Variants in STAB2 observed in about 807,000 individuals in gnomAD.
STAB2 encodes the protein stabilin 2.
In STAB2, 288 loss-of-function variants were observed where a neutral mutation model predicts 338.1. That is an observed-to-expected ratio of 0.85 (90% CI 0.77 to 0.94). STAB2 has a LOEUF of 0.94. Ranked by LOEUF, STAB2 falls within the 40% of genes least tolerant of loss-of-function variation. STAB2 has a pLI of 0.00. For synonymous variants in STAB2, 1,202 were observed against 1,193.3 expected, an observed-to-expected ratio of 1.01 and a Z score of -0.15; for missense variants, 3,141 against 3,210.1, an observed-to-expected ratio of 0.98 and a Z score of 0.52.
chr12:103,756,910 A>G (rs765679021), intron 63 of STAB2, among the ~76,000 whole-genome samples: 2 of 151,554 alleles, frequency 1.3e-5, no homozygotes, highest in Non-Finnish European at 2.9e-5. Flanking sequence ...TTACAACAGC[A>G]TTTCAAAGAA....
rs144650963 is a variant in STAB2, at chr12:103,688,186, G to A, written c.3016G>A (p.Glu1006Lys). 257 of 1,613,844 alleles carry A rather than the reference G, an allele frequency of 1.6e-4. 2 individuals carry two copies. The Middle Eastern group carries it at 2.0e-3, about 12-fold the overall frequency. Reference sequence around the variant, plus strand: ...GAATAAGGAATTGTCATTTCTCTCCGAAGCAGCTATATTTAACCGATGGAT... The same window carrying A: ...GAATAAGGAATTGTCATTTCTCTCCAAAGCAGCTATATTTAACCGATGGAT... ...NAAVELSFLS[E>K]AAIFNRWINN... The change falls in exon 28 of 69, where the codon GAA becomes AAA. Residue 1006 changes from glutamate (E) to lysine (K), a missense_variant. By Grantham distance (56) the Glu-to-Lys change is moderately conservative. Transcript: ENST00000388887.
intron 68 of STAB2, among the ~76,000 whole-genome samples, chr12:103,765,516 G>A (rs549563557): frequency 6.6e-6 from 1 of 152,298 alleles, no homozygotes; most frequent in African/African-American, 2.4e-5. Context: ...GACAAAGCCT[G>A]GGTGCCAGTC....
chr12:103,593,733 A>T (rs955580161), intron 2 of STAB2, among the ~76,000 whole-genome samples: 1 of 152,232 alleles, frequency 6.6e-6, no homozygotes, highest in Non-Finnish European at 1.5e-5. Flanking sequence ...AACATTTATG[A>T]AGGATTGTCT....
At chr12:103,591,136 T>C (rs1399423437) in intron 2 of STAB2, 106 bp downstream of exon 2, 1 of 1,489,076 alleles carries the variant, frequency 6.7e-7, no homozygotes. Context: ...TCTAAGACAA[T>C]AAGCCCAAAC....
intron 5 of STAB2, among the ~76,000 whole-genome samples, chr12:103,627,708 G>A (rs537184927): frequency 2.0e-5 from 3 of 152,234 alleles, no homozygotes; most frequent in African/African-American, 7.2e-5. Flanking sequence ...AGAGGCTCAT[G>A]CCAGGGCCAT....
At chr12:103,765,073 C>G (rs1038606766) in intron 68 of STAB2, among the ~76,000 whole-genome samples, 1 of 100,166 alleles carries the variant, frequency 1.0e-5, no homozygotes, top group South Asian at 3.5e-4. Context: ...GGCAGCAGAG[C>G]AAGACTCTGT....
At chr12:103,717,695 G>T (rs1160444172) in intron 43 of STAB2, 75 bp from the exon 44 acceptor site, 9 of 1,293,050 alleles carry the variant, frequency 7.0e-6, no homozygotes, top group Middle Eastern at 1.8e-4. Context: ...TGGAGTTCAG[G>T]TCTGAGAGCC....
At chr12:103,620,691 T>C (rs1957286592) in intron 4 of STAB2, 138 bp downstream of exon 4, 2 of 794,116 alleles carry the variant, frequency 2.5e-6, no homozygotes, top group Admixed American at 2.9e-5. Context: ...TCTTAAGCAG[T>C]GAAGGTATTA....
In STAB2 at chr12:103,705,681, G is replaced by A. The variant is rs763409318; in HGVS notation, c.3950G>A (p.Arg1317Gln). 6.8e-6 allele frequency: 11 copies of A among 1,614,178 alleles called. No individual in the cohort carries two copies. The highest frequency in any genetic ancestry group is 9.3e-6 in the Non-Finnish European group (11 of 1,180,028). ...TATACCTCCTATTTCATGGGAAGAC[G>A]AACCCTGTTTATTGGGTGCCAGCCA... ...CIYTSYFMGRRTLFIGCQPKC... is the reference protein window; with the variant it reads ...CIYTSYFMGRQTLFIGCQPKC... Residue 1317 changes from arginine to glutamine, a missense_variant, in exon 37 of 69, where the codon CGA (arginine) becomes CAA (glutamine). Transcript: ENST00000388887.
intron 28 of STAB2, among the ~76,000 whole-genome samples, chr12:103,689,458 G>T (rs910682320): frequency 1.1e-4 from 16 of 150,904 alleles, no homozygotes; most frequent in Admixed American, 3.3e-4. Context: ...ACTCCAGCTT[G>T]GGTGACAGAG....
chr12:103,663,430 C>A (rs933154558), intron 18 of STAB2, among the ~76,000 whole-genome samples: 1 of 152,296 alleles, frequency 6.6e-6, no homozygotes, highest in South Asian at 2.1e-4. Flanking sequence ...CTTGGCATTC[C>A]GTGGCTTGTA....
rs3833790 is a variant in STAB2 at position 103,753,596 on chromosome 12, GTTAC to G, written c.6714+249_6714+252del. 9.8e-3 allele frequency among the ~76,000 whole-genome samples: 1,493 copies of G among 152,320 alleles called. 44 individuals are homozygous for G. Among genetic ancestry groups the G allele is most frequent in the East Asian group, 0.096 (497 of 5,184 alleles). Reference sequence around the variant, plus strand: ...CAACATCTCTGAAGGCAGAGCAGGTGTTACTTACTATTCCCATTTTACAGATAGG... The same window carrying G: ...CAACATCTCTGAAGGCAGAGCAGGTGTTACTATTCCCATTTTACAGATAGG... On this transcript the variant is annotated intron_variant, in intron 61 of 68. Coordinates refer to ENST00000388887, the MANE Select transcript of STAB2 (RefSeq NM_017564.10).
intron 54 of STAB2, 44 bp downstream of exon 54, chr12:103,739,512 G>A (rs1222228921): frequency 6.8e-7 from 1 of 1,475,718 alleles, no homozygotes; most frequent in African/African-American, 1.4e-5. Context: ...CCATAGGTCT[G>A]TTTCATTATC....
chr12:103,740,552 A>T, intron 54 of STAB2, 78 bp from the exon 55 acceptor site: 1 of 1,535,552 alleles, frequency 6.5e-7, no homozygotes. Flanking sequence ...TAAGACCTCC[A>T]TGAGGGCACA....
At chr12:103,667,891 TA>T (rs1489529034) in intron 19 of STAB2, among the ~76,000 whole-genome samples, 1 of 152,202 alleles carries the variant, frequency 6.6e-6, no homozygotes, top group African/African-American at 2.4e-5. Flanking sequence ...TGATATTTTA[TA>T]AATTAGGCAG....
At chr12:103,631,573 A>T (rs770554737) in intron 5 of STAB2, 25 bp from the exon 6 acceptor site, 2 of 1,609,562 alleles carry the variant, frequency 1.2e-6, no homozygotes, top group Admixed American at 3.3e-5. Context: ...TCAGGTAATA[A>T]AAATCCCCCA....
intron 41 of STAB2, among the ~76,000 whole-genome samples, 170 bp downstream of exon 41, chr12:103,712,613 C>A (rs1056200413): frequency 6.6e-6 from 1 of 152,126 alleles, no homozygotes; most frequent in African/African-American, 2.4e-5. Flanking sequence ...ACCAACTGTT[C>A]ACAGCCTTGA....
intron 49 of STAB2, among the ~76,000 whole-genome samples, chr12:103,731,322 C>T (rs1287036154): frequency 6.6e-6 from 1 of 152,140 alleles, no homozygotes; most frequent in Admixed American, 6.5e-5. Context: ...TGCACAAGTG[C>T]TTCTGCTTGG....
rs183136158 is a variant in STAB2 at position 103,678,458 on chromosome 12, G to A, written c.2805+847G>A. 2.6e-5 allele frequency among the ~76,000 whole-genome samples: 4 copies of A among 152,320 alleles called. No homozygotes were observed. The East Asian group carries it at 7.7e-4, about 29-fold the overall frequency. On this transcript the variant is annotated intron_variant, in intron 25 of 68. Coordinates refer to ENST00000388887, the MANE Select transcript of STAB2 (RefSeq NM_017564.10). ...GCCAGAGCTTGTAGTGGAACTTGATGAGATATTAAAGCCCACCTCCTACCT... is the reference window on the plus strand; with the variant it reads ...GCCAGAGCTTGTAGTGGAACTTGATAAGATATTAAAGCCCACCTCCTACCT...
Sources: gnomAD v4.1 joint callset for allele counts (sites outside exome capture counted in the v4.1 genomes callset) on GRCh38, gnomAD v4.1.1 for gene constraint, MANE v1.5 for transcripts, NCBI Gene and HGNC (gene_info 2026-07-23, HGNC 2026-07-21) for gene names.